Variants in GRM1 observed in about 807,000 individuals in gnomAD.
GRM1 encodes glutamate metabotropic receptor 1, also known as metabotropic glutamate receptor 1.
Under a neutral mutation model 90.9 loss-of-function variants are expected in GRM1, and 33 were observed. The observed-to-expected ratio is 0.36, with a 90% CI of 0.28 to 0.49. The LOEUF (loss-of-function observed/expected upper bound fraction) is 0.49, where lower values mean the gene tolerates loss of function less well. Ranked by LOEUF, GRM1 falls within the 20% of genes least tolerant of loss-of-function variation. The pLI is 0.99. For synonymous variants in GRM1, 700 were observed against 613.2 expected, an observed-to-expected ratio of 1.14 and a Z score of -2.09; for missense variants, 1,190 against 1,534.3, an observed-to-expected ratio of 0.78 and a Z score of 3.75.
At chr6:146,111,298 T>C (rs1775549260) in intron 1 of GRM1, among the ~76,000 whole-genome samples, 1 of 152,202 alleles carries the variant, frequency 6.6e-6, no homozygotes, top group Non-Finnish European at 1.5e-5. Flanking sequence ...ACCTACCAGC[T>C]TTCACGACCA....
chr6:146,074,676 G>A (rs1478157917), intron 1 of GRM1, among the ~76,000 whole-genome samples: 5 of 152,090 alleles, frequency 3.3e-5, no homozygotes, highest in East Asian at 1.9e-4. Context: ...TGCCCAACAA[G>A]CCTTATTCTT....
At chr6:146,334,469 C>A (rs1784697440) in intron 3 of GRM1, among the ~76,000 whole-genome samples, 1 of 152,214 alleles carries the variant, frequency 6.6e-6, no homozygotes, top group African/African-American at 2.4e-5. Context: ...ATTTGGCCAA[C>A]TAATAATGGT....
At chr6:146,292,567 G>A (rs1369491092) in intron 2 of GRM1, among the ~76,000 whole-genome samples, 1 of 151,884 alleles carries the variant, frequency 6.6e-6, no homozygotes, top group Non-Finnish European at 1.5e-5. Context: ...ATCACAATGA[G>A]ATACTATTTC....
chr6:146,196,291 A>ATTT (rs35847536), intron 2 of GRM1, among the ~76,000 whole-genome samples: 7,197 of 136,572 alleles, frequency 0.053, 713 homozygotes, highest in African/African-American at 0.18. Flanking sequence ...AGTGCAGTGG[A>ATTT]TTTTTTTTTT....
chr6:146,265,828 C>G (rs1029408171), intron 2 of GRM1, among the ~76,000 whole-genome samples: 5 of 152,164 alleles, frequency 3.3e-5, no homozygotes, highest in African/African-American at 1.2e-4. Flanking sequence ...TTGTATGTGG[C>G]TTTACTTATG....
chr6:146,263,429 A>G (rs2114798414), intron 2 of GRM1, among the ~76,000 whole-genome samples: 1 of 152,116 alleles, frequency 6.6e-6, no homozygotes, highest in South Asian at 2.1e-4. Context: ...TATTCTCTAA[A>G]TGGTGAGATA....
chr6:146,410,467 A>G (rs1019735324), intron 7 of GRM1, among the ~76,000 whole-genome samples: 2 of 152,178 alleles, frequency 1.3e-5, no homozygotes, highest in Non-Finnish European at 2.9e-5. Context: ...AAAAAAAGAA[A>G]ATCAGTGAGT....
At chr6:146,098,123 G>T (rs780304945) in intron 1 of GRM1, among the ~76,000 whole-genome samples, 1 of 152,128 alleles carries the variant, frequency 6.6e-6, no homozygotes, top group Non-Finnish European at 1.5e-5. Context: ...TATTTTAGCT[G>T]ATTTGACACC....
At chr6:146,213,187 A>G (rs1583171928) in intron 2 of GRM1, among the ~76,000 whole-genome samples, 1 of 152,158 alleles carries the variant, frequency 6.6e-6, no homozygotes, top group East Asian at 1.9e-4. Flanking sequence ...GAGGAGAGGA[A>G]GCACATGCAT....
At chr6:146,322,242 A>G (rs1268202294) in intron 3 of GRM1, among the ~76,000 whole-genome samples, 4 of 152,214 alleles carry the variant, frequency 2.6e-5, no homozygotes, top group African/African-American at 9.6e-5. Flanking sequence ...GCAGAACAGC[A>G]AAGATTGCTG....
chr6:146,184,547 C>T (rs1383450050), intron 2 of GRM1, among the ~76,000 whole-genome samples: 1 of 151,964 alleles, frequency 6.6e-6, no homozygotes, highest in Admixed American at 6.6e-5. Flanking sequence ...CACTAAAATG[C>T]CGGCATGAAT....
At chr6:146,174,235 AT>A (rs564021670) in intron 2 of GRM1, among the ~76,000 whole-genome samples, 2 of 151,390 alleles carry the variant, frequency 1.3e-5, no homozygotes, top group East Asian at 1.9e-4. Flanking sequence ...TGCTATAGGC[AT>A]TTTTTTTTCC....
chr6:146,114,974 A>C (rs1775687926), intron 1 of GRM1, among the ~76,000 whole-genome samples: 1 of 152,156 alleles, frequency 6.6e-6, no homozygotes, highest in African/African-American at 2.4e-5. Context: ...GGACTACAGG[A>C]CATGAAAATT....
chr6:146,309,332 G>C (rs1438569892), intron 3 of GRM1, among the ~76,000 whole-genome samples: 3 of 151,826 alleles, frequency 2.0e-5, no homozygotes, highest in African/African-American at 7.3e-5. Context: ...CTGGGAGGCA[G>C]AGGTTGCAGT....
At chr6:146,169,430 A>G (rs1489414861) in intron 2 of GRM1, among the ~76,000 whole-genome samples, 2 of 152,080 alleles carry the variant, frequency 1.3e-5, no homozygotes, top group Admixed American at 6.6e-5. Context: ...AGTGTTGTGT[A>G]AGTTCCAGGA....
rs752293971 is a variant in GRM1, at chr6:146,267,680, GGGCTCGGCTC to G, written c.951-36914_951-36905del. 5.3e-3 allele frequency among the ~76,000 whole-genome samples: 478 copies of G among 91,038 alleles called. 10 individuals are homozygous for G. Among genetic ancestry groups the G allele is most frequent in the African/African-American group, 0.038 (452 of 12,006 alleles). 59.7% of individuals were successfully genotyped at this position (91,038 alleles called of 152,430 possible). ...GGGCTGGGCTGGGCTGGGCTGGGCT[GGGCTCGGCTC>G]GGCTCGGCTCGGCTCGTCTCGTCTC... On this transcript the variant is annotated intron_variant, in intron 2 of 7. Transcript: ENST00000282753.
chr6:146,417,599 C>T (rs1777835284), intron 7 of GRM1, among the ~76,000 whole-genome samples: 1 of 152,150 alleles, frequency 6.6e-6, no homozygotes, highest in Admixed American at 6.5e-5. Flanking sequence ...GCCTCTGCTT[C>T]AAGAGAAATA....
chr6:146,289,391 A>T (rs189685307), intron 2 of GRM1, among the ~76,000 whole-genome samples: 1 of 152,348 alleles, frequency 6.6e-6, no homozygotes, highest in East Asian at 1.9e-4. Flanking sequence ...ATAAAGATAT[A>T]AAAAATTTTT....
chr6:146,214,196 C>T lies in GRM1; in HGVS notation c.950+54599C>T, dbSNP rs1779791189. On this transcript the variant is annotated intron_variant, in intron 2 of 7. Transcript: ENST00000282753. ...CTCTCATTCTAGATATTCCTTAATCCAGTCAAATTGACACCTAAGATTAAC... is the reference window on the plus strand; with the variant it reads ...CTCTCATTCTAGATATTCCTTAATCTAGTCAAATTGACACCTAAGATTAAC... Among the ~76,000 whole-genome samples, 3 of 152,222 alleles carry T rather than the reference C, an allele frequency of 2.0e-5. No individual in the cohort carries two copies. The South Asian group carries it at 6.2e-4, about 32-fold the overall frequency.
Sources: allele counts gnomAD v4.1 joint callset (sites outside exome capture counted in the v4.1 genomes callset), GRCh38; gene constraint gnomAD v4.1.1; transcripts MANE v1.5; gene names NCBI Gene and HGNC (gene_info 2026-07-23, HGNC 2026-07-21).